The following NEK1 variants were observed in gnomAD, a reference collection of about 807,000 sequenced individuals.
The protein encoded by NEK1 is serine/threonine-protein kinase Nek1.
NEK1 carries 137 observed loss-of-function variants against 182.1 expected under a neutral mutation model. The ratio of observed to expected loss-of-function variants is 0.75; its 90% CI spans 0.65 to 0.87. The LOEUF (loss-of-function observed/expected upper bound fraction) is 0.87. Ranked by LOEUF, NEK1 falls within the 40% of genes least tolerant of loss-of-function variation. The probability of loss-of-function intolerance (pLI) is 0.00; values close to 1 mark genes in which losing one functional copy is unlikely to be tolerated. For synonymous variants in NEK1, 513 were observed against 492.2 expected, an observed-to-expected ratio of 1.04 and a Z score of -0.56; for missense variants, 1,391 against 1,494.4, an observed-to-expected ratio of 0.93 and a Z score of 1.14.
chr4:169,591,400 A>C, intron 5 of NEK1, among the ~76,000 whole-genome samples: 1 of 151,948 alleles, frequency 6.6e-6, no homozygotes. Flanking sequence ...GGAGTTCCTG[A>C]GATTCAAGTG....
At chr4:169,587,482 A>G in intron 9 of NEK1, 77 bp downstream of exon 9, 1 of 816,468 alleles carries the variant, frequency 1.2e-6, no homozygotes, top group Non-Finnish European at 1.9e-6. Flanking sequence ...GAAAGATAAT[A>G]TAACTTAAAA....
intron 18 of NEK1, among the ~76,000 whole-genome samples, chr4:169,541,364 A>C (rs1759381652): frequency 6.6e-6 from 1 of 152,174 alleles, no homozygotes; most frequent in Non-Finnish European, 1.5e-5. Flanking sequence ...CAGCCATTTC[A>C]ACAGTACATG....
intron 18 of NEK1, among the ~76,000 whole-genome samples, chr4:169,548,001 T>A (rs909906846): frequency 1.3e-5 from 2 of 152,164 alleles, no homozygotes; most frequent in Non-Finnish European, 2.9e-5. Context: ...CTCTGTCCAG[T>A]TTTGTTCCCT....
At chr4:169,417,725 G>GA (rs1490495775) in intron 31 of NEK1, among the ~76,000 whole-genome samples, 2 of 152,108 alleles carry the variant, frequency 1.3e-5, no homozygotes, top group Non-Finnish European at 2.9e-5. Context: ...ACTTCCACAG[G>GA]AAACAACTAG....
chr4:169,499,088 G>A (rs1326923969), intron 23 of NEK1, among the ~76,000 whole-genome samples: 1 of 152,104 alleles, frequency 6.6e-6, no homozygotes, highest in East Asian at 1.9e-4. Context: ...ATAATTCTTG[G>A]AGGCTTTGTT....
chr4:169,576,972 C>G lies in NEK1; in HGVS notation c.976G>C (p.Asp326His). 1 of 1,611,460 alleles carries G rather than the reference C, an allele frequency of 6.2e-7. No homozygotes were observed. Among genetic ancestry groups the G allele is most frequent in the Non-Finnish European group, 8.5e-7 (1 of 1,178,670 alleles). ...GIPLAYKKYG[D>H]KKLHEKKPLQ... Reference sequence around the variant, plus strand: ...GGTTTCTTTTCGTGTAATTTTTTATCTCCATATTTCTTATATGCTAAAGGT... The same window carrying G: ...GGTTTCTTTTCGTGTAATTTTTTATGTCCATATTTCTTATATGCTAAAGGT... Residue 326 changes from aspartate (D) to histidine (H), a missense_variant, in exon 12 of 36, where the codon GAT (aspartate) becomes CAT (histidine). By Grantham distance (81) the Asp-to-His change is moderately conservative. This residue lies in a region of NEK1 where 1,216 missense variants were observed against 1,277.6 expected (regional missense o/e 0.95). Transcript: ENST00000507142.
chr4:169,529,962 G>T (rs952967448), intron 19 of NEK1, among the ~76,000 whole-genome samples: 1 of 152,070 alleles, frequency 6.6e-6, no homozygotes, highest in Admixed American at 6.6e-5. Context: ...CAAAATGTTT[G>T]AAACACTTTT....
chr4:169,565,559 A>G (rs10032225), intron 12 of NEK1, among the ~76,000 whole-genome samples: 44,002 of 152,120 alleles, frequency 0.29, 8,995 homozygotes, highest in African/African-American at 0.59. Context: ...AGTGGGGAAC[A>G]TTACCCAGAA....
intron 23 of NEK1, among the ~76,000 whole-genome samples, chr4:169,505,910 A>G (rs1352618571): frequency 6.6e-6 from 1 of 152,188 alleles, no homozygotes; most frequent in Non-Finnish European, 1.5e-5. Flanking sequence ...AACCTTTATA[A>G]GAAATACAAC....
At chr4:169,423,552 T>C (rs576596297) in intron 31 of NEK1, among the ~76,000 whole-genome samples, 4 of 152,304 alleles carry the variant, frequency 2.6e-5, no homozygotes, top group Admixed American at 1.3e-4. Context: ...ATTTGATAAA[T>C]AGACAATTTT....
At chr4:169,498,635 A>G (rs1041915035) in intron 23 of NEK1, among the ~76,000 whole-genome samples, 1 of 152,128 alleles carries the variant, frequency 6.6e-6, no homozygotes, top group South Asian at 2.1e-4. Context: ...GCTTGTCTGT[A>G]AAGTATTTTA....
intron 12 of NEK1, among the ~76,000 whole-genome samples, chr4:169,570,666 T>C (rs1336239112): frequency 6.6e-6 from 1 of 152,150 alleles, no homozygotes; most frequent in African/African-American, 2.4e-5. Flanking sequence ...CACCACCCCA[T>C]CTGGGAGGTG....
intron 20 of NEK1, 74 bp downstream of exon 20, chr4:169,508,695 A>T: frequency 1.8e-6 from 2 of 1,125,540 alleles, no homozygotes; most frequent in Non-Finnish European, 2.5e-6. Flanking sequence ...AAGAATTTAA[A>T]CCATGCAAGA....
chr4:169,472,798 T>C (rs1201190565), intron 26 of NEK1, among the ~76,000 whole-genome samples: 4 of 152,222 alleles, frequency 2.6e-5, no homozygotes, highest in African/African-American at 7.2e-5. Flanking sequence ...ATAAATTACA[T>C]GCTACATGAC....
At chr4:169,448,132 G>C (rs1352566994) in intron 27 of NEK1, among the ~76,000 whole-genome samples, 2 of 151,976 alleles carry the variant, frequency 1.3e-5, no homozygotes, top group Non-Finnish European at 2.9e-5. Flanking sequence ...TTGGGAGGCT[G>C]ATGTGAGATC....
intron 18 of NEK1, among the ~76,000 whole-genome samples, chr4:169,546,807 T>C (rs1175809986): frequency 6.6e-6 from 1 of 152,204 alleles, no homozygotes; most frequent in African/African-American, 2.4e-5. Flanking sequence ...CCCCTGCTTT[T>C]TTTGTTTTCC....
rs181325764 is a variant in NEK1 at position 169,500,934 on chromosome 4, A to G, written c.2007+6103T>C. Among the ~76,000 whole-genome samples, 401 of 152,354 alleles carry G rather than the reference A, an allele frequency of 2.6e-3. 4 individuals carry two copies. The highest frequency in any genetic ancestry group is 8.9e-3 in the South Asian group (43 of 4,834). On this transcript the variant is annotated intron_variant, in intron 23 of 35. Transcript: ENST00000507142. ...TATTAACGCTGAACATAAATGGCCT[A>G]AATGCTTCACTACAAACACAGAATG... is the stretch of plus-strand genomic sequence containing the variant.
intron 26 of NEK1, among the ~76,000 whole-genome samples, chr4:169,472,451 T>C (rs1314306353): frequency 2.0e-5 from 3 of 152,156 alleles, no homozygotes; most frequent in Non-Finnish European, 4.4e-5. Context: ...CTGCTCTCCC[T>C]CTGTGGGCTG....
chr4:169,549,548 A>C (rs1761097372), intron 18 of NEK1, among the ~76,000 whole-genome samples: 1 of 151,088 alleles, frequency 6.6e-6, no homozygotes. Context: ...TCAGCCTGCC[A>C]AGTAGCTGGG....
Sources: allele counts gnomAD v4.1 joint callset (sites outside exome capture counted in the v4.1 genomes callset), GRCh38; gene constraint gnomAD v4.1.1; regional missense constraint gnomAD v4.1.1; transcripts MANE v1.5; gene names NCBI Gene and HGNC (gene_info 2026-07-23, HGNC 2026-07-21).